Variants in MYO5B observed in about 807,000 individuals in gnomAD.
MYO5B encodes the protein myosin VB.
Under a neutral mutation model 229.3 loss-of-function variants are expected in MYO5B, and 143 were observed. The ratio of observed to expected loss-of-function variants is 0.62; its 90% CI spans 0.54 to 0.72. MYO5B has a LOEUF of 0.72. Ranked by LOEUF, MYO5B falls within the 30% of genes least tolerant of loss-of-function variation. The pLI is 0.00. For missense variants in MYO5B, 2,321 were observed against 2,331.0 expected (o/e 1.00, Z 0.09); for synonymous variants, 918 against 885.2 (o/e 1.04, Z -0.66).
intron 4 of MYO5B, among the ~76,000 whole-genome samples, chr18:50,009,646 G>A (rs1028428532): frequency 2.6e-5 from 4 of 152,090 alleles, no homozygotes; most frequent in African/African-American, 9.7e-5. Context: ...GAAGGTATAT[G>A]GAAAACTACC....
chr18:49,927,579 C>A (rs927726478), intron 17 of MYO5B, among the ~76,000 whole-genome samples: 3 of 152,102 alleles, frequency 2.0e-5, no homozygotes, highest in Non-Finnish European at 4.4e-5. Context: ...GAACTGAGAA[C>A]CCAGAAATAA....
intron 1 of MYO5B, among the ~76,000 whole-genome samples, chr18:50,178,550 GT>G (rs1369394187): frequency 1.3e-5 from 2 of 152,212 alleles, no homozygotes; most frequent in Non-Finnish European, 2.9e-5. Context: ...TTAAATTCCA[GT>G]GTTAAGCCAA....
chr18:49,932,016 C>T (rs927915938), intron 16 of MYO5B, among the ~76,000 whole-genome samples: 2 of 152,164 alleles, frequency 1.3e-5, no homozygotes, highest in Non-Finnish European at 2.9e-5. Context: ...CATCTGGGAC[C>T]CTTAGGTCCC....
At chr18:50,136,059 G>A (rs2032329749) in intron 1 of MYO5B, among the ~76,000 whole-genome samples, 1 of 152,214 alleles carries the variant, frequency 6.6e-6, no homozygotes, top group Non-Finnish European at 1.5e-5. Context: ...CTCTAAGCCT[G>A]CCCCACAGCA....
chr18:49,891,263 A>G (rs1415593245), intron 22 of MYO5B, among the ~76,000 whole-genome samples: 1 of 152,106 alleles, frequency 6.6e-6, no homozygotes, highest in Non-Finnish European at 1.5e-5. Context: ...CCTTACTCAG[A>G]TGTCTTCTCA....
intron 22 of MYO5B, among the ~76,000 whole-genome samples, chr18:49,881,598 C>T (rs567346932): frequency 1.3e-5 from 2 of 151,988 alleles, no homozygotes; most frequent in South Asian, 4.2e-4. Flanking sequence ...GTCAAGTGAT[C>T]GAGACCATCC....
chr18:49,937,460 CA>C, intron 14 of MYO5B, 63 bp from the exon 15 acceptor site: 8 of 1,576,336 alleles, frequency 5.1e-6, no homozygotes, highest in Non-Finnish European at 7.0e-6. Context: ...TGTTTCCTCT[CA>C]AAGCTGCTTT....
At chr18:50,023,986 G>A (rs1022166168) in intron 4 of MYO5B, among the ~76,000 whole-genome samples, 2 of 152,128 alleles carry the variant, frequency 1.3e-5, no homozygotes, top group African/African-American at 2.4e-5. Context: ...TAAAATATAA[G>A]GGGCTCTATA....
intron 27 of MYO5B, among the ~76,000 whole-genome samples, chr18:49,865,607 G>A (rs1440212651): frequency 1.3e-5 from 2 of 152,088 alleles, no homozygotes; most frequent in African/African-American, 4.8e-5. Context: ...GGCTCAAGGT[G>A]CACACTGCAC....
chr18:49,854,120 A>C (rs1004502527), intron 30 of MYO5B, among the ~76,000 whole-genome samples: 9 of 152,252 alleles, frequency 5.9e-5, no homozygotes, highest in Non-Finnish European at 1.3e-4. Flanking sequence ...ATTCTCCACA[A>C]GTTTTAGAAA....
At chr18:50,010,518 C>A (rs2026150513) in intron 4 of MYO5B, among the ~76,000 whole-genome samples, 1 of 152,222 alleles carries the variant, frequency 6.6e-6, no homozygotes, top group Non-Finnish European at 1.5e-5. Context: ...TCCCTAGGAT[C>A]TCCTGCTACT....
chr18:50,153,732 G>C (rs1297497585), intron 1 of MYO5B, among the ~76,000 whole-genome samples: 1 of 152,196 alleles, frequency 6.6e-6, no homozygotes, highest in South Asian at 2.1e-4. Context: ...TTACATGCGT[G>C]AGTCACTGTG....
At chr18:50,056,768 T>A (rs920667101) in intron 1 of MYO5B, among the ~76,000 whole-genome samples, 4 of 150,456 alleles carry the variant, frequency 2.7e-5, no homozygotes, top group Non-Finnish European at 5.9e-5. Flanking sequence ...TTTTTTTTTT[T>A]AAAGCAAGAT....
intron 1 of MYO5B, among the ~76,000 whole-genome samples, chr18:50,077,755 G>A (rs2031122888): frequency 6.6e-6 from 1 of 152,164 alleles, no homozygotes; most frequent in Admixed American, 6.6e-5. Flanking sequence ...AAGGCACAGA[G>A]GAAAGAACAG....
At chr18:49,958,497 C>T (rs9945925) in intron 12 of MYO5B, among the ~76,000 whole-genome samples, 19,267 of 152,200 alleles carry the variant, frequency 0.13, 1,301 homozygotes, top group South Asian at 0.21. Context: ...CCTGTCCTAA[C>T]GTGCAGAAAC....
At chr18:50,066,404 AATACTT>A (rs1392319632) in intron 1 of MYO5B, among the ~76,000 whole-genome samples, 2 of 152,198 alleles carry the variant, frequency 1.3e-5, no homozygotes, top group African/African-American at 2.4e-5. Flanking sequence ...CTTCTGTAGA[AATACTT>A]ATACAGTTTT....
At chr18:50,182,183 G>C (rs554650598) in intron 1 of MYO5B, among the ~76,000 whole-genome samples, 1 of 152,290 alleles carries the variant, frequency 6.6e-6, no homozygotes, top group Non-Finnish European at 1.5e-5. Context: ...CAAAAACTAT[G>C]AGTACTGTTA....
chr18:49,860,854 C>T (rs1044090803), intron 29 of MYO5B, among the ~76,000 whole-genome samples: 7 of 152,204 alleles, frequency 4.6e-5, no homozygotes, highest in South Asian at 4.1e-4. Flanking sequence ...CTGTAGGAAA[C>T]GCAGAGCAGC....
chr18:49,862,880 T>C (rs2024347524), intron 29 of MYO5B, among the ~76,000 whole-genome samples: 1 of 151,034 alleles, frequency 6.6e-6, no homozygotes, highest in African/African-American at 2.4e-5. Context: ...AGCCCTCTGC[T>C]GCCAGTTAGC....
Sources: gnomAD v4.1 joint callset for allele counts (sites outside exome capture counted in the v4.1 genomes callset) on GRCh38, gnomAD v4.1.1 for gene constraint, MANE v1.5 for transcripts, NCBI Gene and HGNC (gene_info 2026-07-23, HGNC 2026-07-21) for gene names.